CFAP47: variants seen among roughly 807,000 people sequenced by gnomAD.
CFAP47 encodes cilia- and flagella-associated protein 47.
Under a neutral mutation model 148.1 loss-of-function variants are expected in CFAP47, and 29 were observed. The ratio of observed to expected loss-of-function variants is 0.20; its 90% CI spans 0.15 to 0.27. CFAP47 has a LOEUF of 0.27. Ranked by LOEUF, CFAP47 falls within the 10% of genes least tolerant of loss-of-function variation. The pLI is 1.00. For synonymous variants in CFAP47, 664 were observed against 577.3 expected, an observed-to-expected ratio of 1.15 and a Z score of -2.15; for missense variants, 1,872 against 1,697.5, an observed-to-expected ratio of 1.10 and a Z score of -1.81.
In CFAP47 at chrX:36,282,128, A is replaced by G. The variant is rs367932336; in HGVS notation, c.7588+1498A>G. 1.0e-3 allele frequency among the ~76,000 whole-genome samples: 111 copies of G among 111,458 alleles called. 2 individuals carry two copies. The South Asian group carries it at 0.038, about 39-fold the overall frequency. ...ACTTCATGATGTTGATCTGACATCA[A>G]GATATTTACATAGCAATATCCAGTT... On this transcript the variant is annotated intron_variant, in intron 50 of 63. Coordinates refer to ENST00000378653, the MANE Select transcript of CFAP47 (RefSeq NM_001304548.2).
intron 62 of CFAP47, among the ~76,000 whole-genome samples, chrX:36,370,124 A>C (rs1392951397): frequency 9.0e-6 from 1 of 111,447 alleles, no homozygotes; most frequent in African/African-American, 3.3e-5. Flanking sequence ...ATTATACTTT[A>C]AGTTCTAGGG....
chrX:35,961,675 CTT>C lies in CFAP47; in HGVS notation c.1411-4887_1411-4886del, dbSNP rs1936333557. 4.5e-5 allele frequency among the ~76,000 whole-genome samples: 5 copies of C among 111,230 alleles called. No individual in the cohort carries two copies. In the South Asian group the frequency reaches 1.5e-3, roughly 33 times the overall value. ...TGTAAAGTTGGTAGTGATGTCCTCT[CTT>C]TTATTCCTGATTTTAGCAAAGTTAG... On this transcript the variant is annotated intron_variant, in intron 8 of 63. Transcript: ENST00000378653.
intron 37 of CFAP47, among the ~76,000 whole-genome samples, 160 bp downstream of exon 37, chrX:36,149,383 AC>A (rs1939278104): frequency 1.8e-5 from 2 of 110,876 alleles, no homozygotes; most frequent in Admixed American, 1.9e-4. Flanking sequence ...ACAATTCCTC[AC>A]CAAAGTTGTT....
intron 40 of CFAP47, among the ~76,000 whole-genome samples, chrX:36,187,466 C>A (rs1344848732): frequency 9.0e-6 from 1 of 111,613 alleles, no homozygotes; most frequent in Non-Finnish European, 1.9e-5. Context: ...TTTAATCAGG[C>A]TTTCTACCCA....
chrX:36,007,437 C>A (rs1433780068), intron 21 of CFAP47, among the ~76,000 whole-genome samples: 1 of 112,239 alleles, frequency 8.9e-6, no homozygotes, highest in African/African-American at 3.2e-5. Flanking sequence ...TGAGGTATTC[C>A]TGTCTTTGAA....
At chrX:36,124,548 C>G (rs1224461565) in intron 33 of CFAP47, among the ~76,000 whole-genome samples, 1 of 111,119 alleles carries the variant, frequency 9.0e-6, no homozygotes, top group Admixed American at 9.6e-5. Context: ...TCTATTATAA[C>G]AGGGCAGCAC....
intron 2 of CFAP47, among the ~76,000 whole-genome samples, chrX:35,937,012 C>T (rs973357688): frequency 1.8e-5 from 2 of 108,613 alleles, no homozygotes; most frequent in Non-Finnish European, 3.8e-5. Flanking sequence ...TTGCAAGTCC[C>T]GCTTACCTTT....
Position 36,250,760 on chromosome X carries a change from G to A in CFAP47, c.7333-573G>A, listed in dbSNP as rs183615892. Among the ~76,000 whole-genome samples the A allele has an allele frequency of 7.5e-3, 821 of 110,110 alleles. 33 individuals carry two copies. In the Admixed American group the frequency reaches 0.076, roughly 10 times the overall value. On this transcript the variant is annotated intron_variant, in intron 48 of 63. Coordinates refer to ENST00000378653, the MANE Select transcript of CFAP47 (RefSeq NM_001304548.2). ...AAAGTCAGTGACAAAAGTCCACATC[G>A]TACTGTTTAATTTCATTACTAATAA...
At chrX:36,355,510 C>T (rs1367587540) in intron 60 of CFAP47, among the ~76,000 whole-genome samples, 2 of 111,413 alleles carry the variant, frequency 1.8e-5, no homozygotes, top group African/African-American at 6.5e-5. Context: ...GAAAATGTAG[C>T]ATATACTATC....
chrX:36,287,714 C>G (rs1426587038), intron 51 of CFAP47, among the ~76,000 whole-genome samples: 3 of 111,529 alleles, frequency 2.7e-5, no homozygotes, highest in African/African-American at 9.8e-5. Context: ...CTTAGGCTAT[C>G]GTGGCTAGTG....
At chrX:36,265,864 T>G (rs782321313) in intron 49 of CFAP47, among the ~76,000 whole-genome samples, 10 of 112,003 alleles carry the variant, frequency 8.9e-5, no homozygotes, top group African/African-American at 2.9e-4. Flanking sequence ...ATTGCTGTCA[T>G]TTGGATGGGC....
intron 3 of CFAP47, among the ~76,000 whole-genome samples, chrX:35,944,563 A>G (rs1338174490): frequency 9.0e-6 from 1 of 111,551 alleles, no homozygotes; most frequent in East Asian, 2.8e-4. Flanking sequence ...AGGGAATTTT[A>G]AAAAATCATA....
intron 29 of CFAP47, among the ~76,000 whole-genome samples, chrX:36,081,682 A>G (rs1937985300): frequency 8.9e-6 from 1 of 111,757 alleles, no homozygotes; most frequent in Non-Finnish European, 1.9e-5. Context: ...TGCAAGGTTG[A>G]TTCAACACAC....
intron 46 of CFAP47, among the ~76,000 whole-genome samples, chrX:36,229,309 T>C (rs1339968461): frequency 8.9e-6 from 1 of 112,082 alleles, no homozygotes; most frequent in Non-Finnish European, 1.9e-5. Flanking sequence ...TGTCTAATTA[T>C]TAAAGACATG....
chrX:36,004,997 A>T (rs180847943), intron 21 of CFAP47, among the ~76,000 whole-genome samples: 2 of 110,758 alleles, frequency 1.8e-5, no homozygotes, highest in African/African-American at 3.3e-5. Context: ...ATTGATATAT[A>T]TGTGTTAATG....
chrX:36,354,978 A>G (rs1556018209), intron 60 of CFAP47, among the ~76,000 whole-genome samples: 1 of 111,547 alleles, frequency 9.0e-6, no homozygotes, highest in African/African-American at 3.3e-5. Context: ...TTTGCAACCC[A>G]TATATCTGAT....
chrX:36,005,291 T>C (rs1936968952), intron 21 of CFAP47, among the ~76,000 whole-genome samples: 1 of 111,693 alleles, frequency 9.0e-6, no homozygotes, highest in Non-Finnish European at 1.9e-5. Context: ...TGATTTGAGA[T>C]ATTTCACTTT....
chrX:36,317,130 C>T (rs1313021765), intron 56 of CFAP47, among the ~76,000 whole-genome samples: 7 of 111,270 alleles, frequency 6.3e-5, no homozygotes, highest in African/African-American at 9.8e-5. Context: ...ATGAAAATCC[C>T]TGGAGGTCCT....
At chrX:36,148,700 T>C (rs1939268036) in intron 36 of CFAP47, among the ~76,000 whole-genome samples, 1 of 111,918 alleles carries the variant, frequency 8.9e-6, no homozygotes, top group Non-Finnish European at 1.9e-5. Context: ...CCTTCTACAC[T>C]GAGCAGCCAG....
Sources: gnomAD v4.1 joint callset for allele counts (sites outside exome capture counted in the v4.1 genomes callset) on GRCh38, gnomAD v4.1.1 for gene constraint, MANE v1.5 for transcripts, NCBI Gene and HGNC (gene_info 2026-07-23, HGNC 2026-07-21) for gene names.